Variants in ADAMTS19 observed in about 807,000 individuals in gnomAD.
The protein encoded by ADAMTS19 is A disintegrin and metalloproteinase with thrombospondin motifs 19.
Under a neutral mutation model 153.3 loss-of-function variants are expected in ADAMTS19, and 93 were observed. That is an observed-to-expected ratio of 0.61 (90% CI 0.51 to 0.72). The LOEUF (loss-of-function observed/expected upper bound fraction) is 0.72. Among genes scored for constraint, ADAMTS19 ranks in the 30% least tolerant of loss-of-function variants. The pLI is 0.00. For missense variants in ADAMTS19, 1,482 were observed against 1,552.1 expected, an observed-to-expected ratio of 0.95 and a Z score of 0.76; for synonymous variants, 600 against 556.6, an observed-to-expected ratio of 1.08 and a Z score of -1.10.
intron 10 of ADAMTS19, among the ~76,000 whole-genome samples, chr5:129,632,754 T>C (rs569970989): frequency 6.6e-6 from 1 of 152,222 alleles, no homozygotes; most frequent in South Asian, 2.1e-4. Context: ...GAGAAATGTA[T>C]AGCCCTTGGA....
chr5:129,498,718 T>C (rs960883913), intron 2 of ADAMTS19, among the ~76,000 whole-genome samples: 1 of 152,010 alleles, frequency 6.6e-6, no homozygotes, highest in Non-Finnish European at 1.5e-5. Context: ...GCAGGCTCCT[T>C]CTTTCACTTT....
At chr5:129,594,301 T>C (rs1750273282) in intron 7 of ADAMTS19, among the ~76,000 whole-genome samples, 1 of 152,184 alleles carries the variant, frequency 6.6e-6, no homozygotes, top group Admixed American at 6.5e-5. Flanking sequence ...TCCTAGTCCA[T>C]GTGACAAACA....
chr5:129,636,570 T>G, intron 10 of ADAMTS19, among the ~76,000 whole-genome samples: 1 of 152,226 alleles, frequency 6.6e-6, no homozygotes, highest in Non-Finnish European at 1.5e-5. Context: ...ATGGGTTACA[T>G]TTCCCTTTCT....
chr5:129,637,356 A>G (rs969810825), intron 10 of ADAMTS19, among the ~76,000 whole-genome samples: 1 of 152,166 alleles, frequency 6.6e-6, no homozygotes, highest in African/African-American at 2.4e-5. Context: ...AAGAAAACCT[A>G]ATTTGGTCAT....
intron 2 of ADAMTS19, among the ~76,000 whole-genome samples, chr5:129,492,949 T>C (rs1235504561): frequency 1.3e-5 from 2 of 152,198 alleles, no homozygotes; most frequent in African/African-American, 4.8e-5. Flanking sequence ...TGCTGCTTTA[T>C]GTGCTTCTTT....
At chr5:129,485,252 A>G (rs1416522153) in intron 2 of ADAMTS19, among the ~76,000 whole-genome samples, 1 of 152,152 alleles carries the variant, frequency 6.6e-6, no homozygotes, top group Non-Finnish European at 1.5e-5. Context: ...ACTAAATAAC[A>G]TGAGACAAAG....
chr5:129,483,335 A>G (rs1580994292), intron 2 of ADAMTS19, among the ~76,000 whole-genome samples: 1 of 152,180 alleles, frequency 6.6e-6, no homozygotes, highest in Admixed American at 6.6e-5. Context: ...TCTACCTCAT[A>G]TGGTTATAGG....
intron 6 of ADAMTS19, among the ~76,000 whole-genome samples, chr5:129,545,584 C>A (rs1030589022): frequency 3.9e-5 from 6 of 152,000 alleles, no homozygotes; most frequent in African/African-American, 1.5e-4. Context: ...AAAACATGAA[C>A]AGACACTTCT....
chr5:129,546,167 A>G (rs981815139), intron 6 of ADAMTS19, among the ~76,000 whole-genome samples: 9 of 147,902 alleles, frequency 6.1e-5, no homozygotes, highest in Admixed American at 2.7e-4. Flanking sequence ...ATTCTCACTC[A>G]CAGGTGGGAA....
chr5:129,635,896 A>G (rs559357636), intron 10 of ADAMTS19, among the ~76,000 whole-genome samples: 1 of 151,966 alleles, frequency 6.6e-6, no homozygotes, highest in East Asian at 1.9e-4. Context: ...CGTTCAATTT[A>G]TTTATTTATT....
rs1030722612 is a variant in ADAMTS19 at position 129,546,038 on chromosome 5, A to G, written c.1329-5826A>G. On this transcript the variant is annotated intron_variant, in intron 6 of 22. Coordinates refer to ENST00000274487, the MANE Select transcript of ADAMTS19 (RefSeq NM_133638.6). ...TAAGAGAATGTGGCACATATACACC[A>G]TGGAATACTATGCAGCCATAAAAAA... Among the ~76,000 whole-genome samples the G allele has an allele frequency of 2.7e-5, 4 of 148,838 alleles. 1 individual carries two copies. Among genetic ancestry groups the G allele is most frequent in the African/African-American group, 7.7e-5 (3 of 38,760 alleles).
At chr5:129,474,828 G>C (rs1365901010) in intron 2 of ADAMTS19, among the ~76,000 whole-genome samples, 1 of 152,096 alleles carries the variant, frequency 6.6e-6, no homozygotes, top group Non-Finnish European at 1.5e-5. Flanking sequence ...TGTTTTCCTA[G>C]TAACTAATTA....
At chr5:129,607,732 G>A (rs1750975564) in intron 8 of ADAMTS19, among the ~76,000 whole-genome samples, 2 of 151,886 alleles carry the variant, frequency 1.3e-5, no homozygotes, top group South Asian at 4.2e-4. Flanking sequence ...TCTGGTTATA[G>A]GCCTGTCCAA....
intron 21 of ADAMTS19, among the ~76,000 whole-genome samples, 180 bp from the exon 22 acceptor site, chr5:129,734,752 G>T (rs1757591582): frequency 6.6e-6 from 1 of 151,888 alleles, no homozygotes; most frequent in Middle Eastern, 3.2e-3. Context: ...GGTTCTCAAA[G>T]GCATTGTGCC....
chr5:129,679,956 A>T lies in ADAMTS19; in HGVS notation c.2664+35A>T, dbSNP rs760728554. 3.8e-6 allele frequency: 6 copies of T among 1,586,576 alleles called. No individual in the cohort carries two copies. In the Admixed American group the frequency reaches 1.1e-4, roughly 28 times the overall value. On this transcript the variant is annotated intron_variant, in intron 17 of 22. Coordinates refer to ENST00000274487, the MANE Select transcript of ADAMTS19 (RefSeq NM_133638.6). ...AATGAATTGATAACATGGCATAATC[A>T]ACTTCTCATGGCAAGGAATATTCCC...
chr5:129,592,385 A>T (rs1750182575), intron 7 of ADAMTS19, among the ~76,000 whole-genome samples: 1 of 151,270 alleles, frequency 6.6e-6, no homozygotes, highest in East Asian at 1.9e-4. Context: ...TTCAAAAAAA[A>T]AAAAAAAAAA....
At chr5:129,473,784 C>T (rs1432048587) in intron 2 of ADAMTS19, among the ~76,000 whole-genome samples, 5 of 151,948 alleles carry the variant, frequency 3.3e-5, no homozygotes, top group Admixed American at 1.3e-4. Context: ...TCCAGGTGCA[C>T]CCTAATTATC....
chr5:129,646,189 C>T (rs1753061648), intron 11 of ADAMTS19, among the ~76,000 whole-genome samples: 1 of 152,048 alleles, frequency 6.6e-6, no homozygotes, highest in South Asian at 2.1e-4. Context: ...CGCCCGGCCT[C>T]CTTTTCCAAT....
intron 2 of ADAMTS19, among the ~76,000 whole-genome samples, chr5:129,467,572 T>A (rs1749909592): frequency 6.6e-6 from 1 of 152,126 alleles, no homozygotes; most frequent in Non-Finnish European, 1.5e-5. Flanking sequence ...GGAGAGATGA[T>A]CTACAGTGGG....
Sources: gnomAD v4.1 joint callset for allele counts (sites outside exome capture counted in the v4.1 genomes callset) on GRCh38, gnomAD v4.1.1 for gene constraint, MANE v1.5 for transcripts, NCBI Gene and HGNC (gene_info 2026-07-23, HGNC 2026-07-21) for gene names.